Variants in LRRC51 observed in about 807,000 individuals in gnomAD.
LRRC51 encodes leucine rich repeat containing 51, also known as leucine-rich repeat-containing protein 51.
Under a neutral mutation model 17.8 loss-of-function variants are expected in LRRC51, and 8 were observed. That is an observed-to-expected ratio of 0.45 (90% CI 0.26 to 0.81). LRRC51 has a LOEUF of 0.81. Among genes scored for constraint, LRRC51 ranks in the 30% least tolerant of loss-of-function variants. The pLI is 0.17. For missense variants in LRRC51, 233 were observed against 239.3 expected, an observed-to-expected ratio of 0.97 and a Z score of 0.17; for synonymous variants, 92 against 96.0, an observed-to-expected ratio of 0.96 and a Z score of 0.24.
In LRRC51 at chr11:72,091,792, C is replaced by A. The variant is rs973399011; in HGVS notation, c.83-1704C>A. ...GTAGAGACGGGGTTTCATGATGTTG[C>A]CCAGGCTGGTCTCAAACGCCTAGGC... On this transcript the variant is annotated intron_variant, in intron 3 of 5. Coordinates refer to ENST00000289488, the MANE Select transcript of LRRC51 (RefSeq NM_145309.6). 5.3e-5 allele frequency among the ~76,000 whole-genome samples: 8 copies of A among 152,240 alleles called. No individual in the cohort carries two copies. In the East Asian group the frequency reaches 9.7e-4, roughly 18 times the overall value.
chr11:72,082,918 T>G (rs1172989077), intron 1 of LRRC51, among the ~76,000 whole-genome samples: 3 of 151,530 alleles, frequency 2.0e-5, no homozygotes, highest in Non-Finnish European at 4.4e-5. Context: ...CAGGCTGGAG[T>G]GCAATGGCGC....
rs563319373 is a variant in LRRC51 at position 72,088,192 on chromosome 11, A to G, written c.-139-105A>G. Reference sequence around the variant, plus strand: ...TCTCATGGCTCTCCCTTGTCTCCAGAAAAACCTCAGCTTTACTTTAGCTAA... The same window carrying G: ...TCTCATGGCTCTCCCTTGTCTCCAGGAAAACCTCAGCTTTACTTTAGCTAA... On this transcript the variant is annotated intron_variant, in intron 1 of 5. Transcript: ENST00000289488. The G allele has an allele frequency of 3.2e-4, 191 of 589,666 alleles. 2 individuals carry two copies. Among genetic ancestry groups the G allele is most frequent in the African/African-American group, 3.2e-3 (173 of 53,428 alleles). The allele number at this position is 589,666 out of a possible 1,614,324, so 36.5% of individuals were successfully genotyped here.
chr11:72,088,894 G>C (rs1191800170), intron 2 of LRRC51, 135 bp from the exon 3 acceptor site: 5 of 1,018,104 alleles, frequency 4.9e-6, no homozygotes, highest in Non-Finnish European at 7.2e-6. Context: ...GCAAGGAAGA[G>C]TGATTTCATA....
chr11:72,082,862 CA>C (rs1217028345), intron 1 of LRRC51, among the ~76,000 whole-genome samples: 2 of 151,874 alleles, frequency 1.3e-5, no homozygotes, highest in South Asian at 2.1e-4. Flanking sequence ...ACCCCACCCC[CA>C]ATTTTTTTTT....
Position 72,084,851 on chromosome 11 carries a change from A to G in LRRC51, c.-139-3446A>G, listed in dbSNP as rs1365060406. Reference sequence around the variant, plus strand: ...GACCTTGTCTCAAAAAAAAAAAAAAAAAAGAAAACCGTGTGTGTGTGTGTG... The same window carrying G: ...GACCTTGTCTCAAAAAAAAAAAAAAGAAAGAAAACCGTGTGTGTGTGTGTG... On this transcript the variant is annotated intron_variant, in intron 1 of 5. Coordinates refer to ENST00000289488, the MANE Select transcript of LRRC51 (RefSeq NM_145309.6). Among the ~76,000 whole-genome samples the G allele has an allele frequency of 2.7e-5, 4 of 146,028 alleles. No homozygotes were observed. The South Asian group carries it at 8.6e-4, about 31-fold the overall frequency.
rs554416053 is a variant in LRRC51 at position 72,088,465 on chromosome 11, A to AT, written c.-56+88dup. ...TTCAGGATAGGGCTGAAAGTAGGGT[A>AT]TTTGGATGGAAAGGTAATGGGGCTG... On this transcript the variant is annotated intron_variant, in intron 2 of 5. Transcript: ENST00000289488. 1.2e-3 allele frequency: 822 copies of AT among 696,272 alleles called. 6 individuals are homozygous for AT. In the African/African-American group the frequency reaches 0.013, roughly 11 times the overall value. 43.1% of individuals were successfully genotyped at this position (696,272 alleles called of 1,614,324 possible). A position where few individuals can be genotyped will look rare whatever the true frequency, so the allele number is the denominator to read the frequency against.
intron 1 of LRRC51, among the ~76,000 whole-genome samples, chr11:72,082,464 G>A (rs1393621701): frequency 6.6e-6 from 1 of 152,104 alleles, no homozygotes; most frequent in Non-Finnish European, 1.5e-5. Flanking sequence ...CTCAAGCCCA[G>A]CCCTCATCTC....
At chr11:72,093,760 C>G (rs547416991) in intron 4 of LRRC51, 59 bp downstream of exon 4, 19 of 1,459,014 alleles carry the variant, frequency 1.3e-5, no homozygotes, top group Non-Finnish European at 1.6e-5. Flanking sequence ...TGTTCAGCCC[C>G]CAACCTCTCC....
At position 72,093,787 on chromosome 11, in the gene LRRC51, A is replaced by C. The variant is rs898963920; in HGVS notation, c.288+86A>C. ...AACCTCTCCACTCCTACATGTTATC[A>C]AGGAAGTAATGAGGCAGCATGGTAC... On this transcript the variant is annotated intron_variant, in intron 4 of 5. Coordinates refer to ENST00000289488, the MANE Select transcript of LRRC51 (RefSeq NM_145309.6). 2.4e-6 allele frequency: 3 copies of C among 1,263,890 alleles called. No homozygotes were observed. The African/African-American group carries it at 4.4e-5, about 19-fold the overall frequency. 78.3% of individuals were successfully genotyped at this position (1,263,890 alleles called of 1,614,324 possible).
Position 72,096,528 on chromosome 11 carries a change from C to T in LRRC51, c.*1008C>T, listed in dbSNP as rs1945219493. 4 of 1,312,120 alleles carry T rather than the reference C, an allele frequency of 3.0e-6. No individual in the cohort carries two copies. The highest frequency in any genetic ancestry group is 3.9e-6 in the Non-Finnish European group (4 of 1,030,456). 81.3% of individuals were successfully genotyped at this position (1,312,120 alleles called of 1,614,324 possible). A position where few individuals can be genotyped will look rare whatever the true frequency, so the allele number is the denominator to read the frequency against. ...GCTAGGATTACAGGATAAGCCACTG[C>T]ACCTGGCCAGCTCTAGTCTTATTTT... On this transcript the variant is annotated 3_prime_UTR_variant, in exon 6 of 6. Coordinates refer to ENST00000289488, the MANE Select transcript of LRRC51 (RefSeq NM_145309.6).
intron 1 of LRRC51, chr11:72,086,540 C>T: frequency 1.4e-6 from 1 of 693,106 alleles, no homozygotes; most frequent in Non-Finnish European, 2.6e-6. Flanking sequence ...ATCCCACAAA[C>T]ATTTTGAGTG....
At position 72,093,567 on chromosome 11, in the gene LRRC51, C is replaced by G. The variant is rs1448467668; in HGVS notation, c.154C>G (p.Gln52Glu). 6.2e-7 allele frequency: 1 copy of G among 1,614,238 alleles called. No homozygotes were observed. The highest frequency in any genetic ancestry group is 8.5e-7 in the Non-Finnish European group (1 of 1,180,052). The change falls in exon 4 of 6, where the codon CAG (glutamine) becomes GAG (glutamate). Residue 52 changes from glutamine (Q) to glutamate (E), a missense_variant. By Grantham distance (29) the Gln-to-Glu change is conservative. Coordinates refer to ENST00000289488, the MANE Select transcript of LRRC51 (RefSeq NM_145309.6). ...TTCAAAGTCGGGGAAATCACTGACC[C>G]AGTCCCTGTGGCTGAATAACAATGT... ...KRSKSGKSLT[Q>E]SLWLNNNVLN...
intron 1 of LRRC51, among the ~76,000 whole-genome samples, chr11:72,083,152 G>A (rs771712403): frequency 3.9e-5 from 6 of 152,140 alleles, no homozygotes; most frequent in Admixed American, 6.5e-5. Context: ...GGCGTGAGCC[G>A]CCACGCCCAG....
intron 1 of LRRC51, among the ~76,000 whole-genome samples, chr11:72,083,093 G>A (rs938635114): frequency 2.0e-5 from 3 of 152,262 alleles, no homozygotes; most frequent in East Asian, 3.9e-4. Flanking sequence ...TCGAACTCCC[G>A]ACCTCAGGTG....
At chr11:72,081,463 A>G (rs1163135615) in intron 1 of LRRC51, among the ~76,000 whole-genome samples, 1 of 151,970 alleles carries the variant, frequency 6.6e-6, no homozygotes, top group Non-Finnish European at 1.5e-5. Context: ...AAAACAAAAC[A>G]ACGAACCCCG....
chr11:72,092,363 C>T (rs1336453707), intron 3 of LRRC51, among the ~76,000 whole-genome samples: 1 of 152,218 alleles, frequency 6.6e-6, no homozygotes, highest in East Asian at 1.9e-4. Flanking sequence ...CAACTGGCAA[C>T]CACCCTTTAA....
rs58257513 is a variant in LRRC51, at chr11:72,087,287, C to CTTTTTT, written c.-139-987_-139-982dup. Among the ~76,000 whole-genome samples, 64 of 107,288 alleles carry CTTTTTT rather than the reference C, an allele frequency of 6.0e-4. 2 individuals carry two copies. Among genetic ancestry groups the CTTTTTT allele is most frequent in the African/African-American group, 2.2e-3 (62 of 28,554 alleles). The allele number at this position is 107,288 out of a possible 152,430, so 70.4% of individuals were successfully genotyped here. On this transcript the variant is annotated intron_variant, in intron 1 of 5. Coordinates refer to ENST00000289488, the MANE Select transcript of LRRC51 (RefSeq NM_145309.6). ...AGGTCCTTGGTTTTTAACAGAAATT[C>CTTTTTT]TTTTTTTTTTTTTTTTTTTTTTTTT...
intron 3 of LRRC51, among the ~76,000 whole-genome samples, chr11:72,091,391 T>C (rs759611891): frequency 1.3e-4 from 20 of 151,984 alleles, no homozygotes; most frequent in African/African-American, 4.6e-4. Context: ...CAGGCCCCAA[T>C]TGTGGGTCCT....
chr11:72,094,775 T>G, intron 4 of LRRC51, 173 bp from the exon 5 acceptor site: 2 of 1,255,570 alleles, frequency 1.6e-6, no homozygotes, highest in East Asian at 4.8e-5. Flanking sequence ...ATGCCCTGTA[T>G]GTCTTAAAAC....
Sources: gnomAD v4.1 joint callset for allele counts (sites outside exome capture counted in the v4.1 genomes callset) on GRCh38, gnomAD v4.1.1 for gene constraint, MANE v1.5 for transcripts, NCBI Gene and HGNC (gene_info 2026-07-23, HGNC 2026-07-21) for gene names.